Variants in RGS9 observed in about 807,000 individuals in gnomAD.
RGS9 encodes regulator of G protein signaling 9.
In RGS9, 78 loss-of-function variants were observed where a neutral mutation model predicts 102.0. The observed-to-expected ratio is 0.76, with a 90% CI of 0.64 to 0.92. The LOEUF (loss-of-function observed/expected upper bound fraction) is 0.92, where lower values mean the gene tolerates loss of function less well. Among genes scored for constraint, RGS9 ranks in the 40% least tolerant of loss-of-function variants. The probability of loss-of-function intolerance (pLI) is 0.00; values close to 1 mark genes in which losing one functional copy is unlikely to be tolerated. For missense variants in RGS9, 833 were observed against 866.1 expected, an observed-to-expected ratio of 0.96 and a Z score of 0.48; for synonymous variants, 353 against 318.6, an observed-to-expected ratio of 1.11 and a Z score of -1.15.
intron 17 of RGS9, among the ~76,000 whole-genome samples, chr17:65,219,741 G>T (rs975247359): frequency 2.0e-4 from 31 of 152,070 alleles, no homozygotes; most frequent in Admixed American, 1.8e-3. Flanking sequence ...ACAATTCTTG[G>T]CCTATTATAA....
At chr17:65,205,861 ATTATGTGGTATCAG>A (rs1384882607) in intron 15 of RGS9, among the ~76,000 whole-genome samples, 1 of 151,816 alleles carries the variant, frequency 6.6e-6, no homozygotes, top group African/African-American at 2.4e-5. Context: ...TGTGATATAG[ATTATGTGGTATCAG>A]TTATGTGATA....
At chr17:65,223,752 C>CTTTTTTTTTTTTTTTTTTTTTT (rs528795738) in intron 17 of RGS9, among the ~76,000 whole-genome samples, 2 of 137,592 alleles carry the variant, frequency 1.5e-5, no homozygotes, top group Non-Finnish European at 3.2e-5. Context: ...TCATGCCAGG[C>CTTTTTTTTTTTTTTTTTTTTTT]TTTTTTTTTT....
chr17:65,177,710 A>C (rs1008710029), intron 8 of RGS9, 22 bp from the exon 9 acceptor site: 3 of 1,610,270 alleles, frequency 1.9e-6, no homozygotes, highest in Admixed American at 3.3e-5. Context: ...TAATGACCTT[A>C]TGTTGTTTTT....
intron 9 of RGS9, among the ~76,000 whole-genome samples, chr17:65,179,759 G>A (rs915498979): frequency 2.0e-5 from 3 of 151,942 alleles, no homozygotes; most frequent in East Asian, 3.9e-4. Context: ...CATCCTGGGG[G>A]TGACTTCTGA....
chr17:65,164,012 T>C (rs1275665463), intron 7 of RGS9, among the ~76,000 whole-genome samples: 3 of 152,202 alleles, frequency 2.0e-5, no homozygotes, highest in African/African-American at 7.2e-5. Flanking sequence ...CCTGTTGCCA[T>C]ATCAGAACTG....
At chr17:65,207,584 C>T (rs989806525) in intron 15 of RGS9, among the ~76,000 whole-genome samples, 1 of 152,180 alleles carries the variant, frequency 6.6e-6, no homozygotes, top group Non-Finnish European at 1.5e-5. Flanking sequence ...GCTACATTTA[C>T]AACATAGGCT....
At chr17:65,198,715 T>G (rs4790957) in intron 13 of RGS9, among the ~76,000 whole-genome samples, 30,698 of 152,176 alleles carry the variant, frequency 0.2, 5,236 homozygotes, top group African/African-American at 0.44. Flanking sequence ...GGGGCATCAC[T>G]CCTGAGCCTT....
chr17:65,158,462 C>T lies in RGS9; in HGVS notation c.205+117C>T, dbSNP rs893072250. Reference sequence around the variant, plus strand: ...GAAATTTACATTTTAATTGGACAGACATGACCTTCGTGTGTAAAAGTACCA... The same window carrying T: ...GAAATTTACATTTTAATTGGACAGATATGACCTTCGTGTGTAAAAGTACCA... On this transcript the variant is annotated intron_variant, in intron 3 of 18. Transcript: ENST00000262406. 2.5e-5 allele frequency: 24 copies of T among 972,898 alleles called. No individual in the cohort carries two copies. The African/African-American group carries it at 2.7e-4, about 11-fold the overall frequency. 60.3% of individuals were successfully genotyped at this position (972,898 alleles called of 1,614,324 possible). A position where few individuals can be genotyped will look rare whatever the true frequency, so the allele number is the denominator to read the frequency against.
chr17:65,167,386 G>A (rs182615663), intron 7 of RGS9, among the ~76,000 whole-genome samples: 254 of 152,216 alleles, frequency 1.7e-3, no homozygotes, highest in Non-Finnish European at 3.1e-3. Context: ...ATTTTTGGTA[G>A]AGACGGGGTT....
At chr17:65,195,283 G>A (rs953323660) in intron 12 of RGS9, among the ~76,000 whole-genome samples, 3 of 152,278 alleles carry the variant, frequency 2.0e-5, no homozygotes, top group Non-Finnish European at 2.9e-5. Context: ...AAATAAAATG[G>A]GGAGCATGGT....
chr17:65,222,751 T>C (rs549860091), intron 17 of RGS9, among the ~76,000 whole-genome samples: 1 of 152,332 alleles, frequency 6.6e-6, no homozygotes, highest in South Asian at 2.1e-4. Flanking sequence ...AGAAGCTTAG[T>C]GCAGAGTCCC....
intron 3 of RGS9, among the ~76,000 whole-genome samples, chr17:65,159,750 G>A (rs759282676): frequency 2.6e-5 from 4 of 152,114 alleles, no homozygotes; most frequent in African/African-American, 4.8e-5. Flanking sequence ...GGAGAGGAAG[G>A]GTCTGGACCC....
chr17:65,158,848 G>T, intron 3 of RGS9: 1 of 260,844 alleles, frequency 3.8e-6, no homozygotes, highest in South Asian at 5.2e-5. Flanking sequence ...GGCAATTTTT[G>T]AGCATGGCAA....
intron 9 of RGS9, among the ~76,000 whole-genome samples, chr17:65,188,044 G>A (rs1912197342): frequency 6.6e-6 from 1 of 152,140 alleles, no homozygotes; most frequent in Admixed American, 6.5e-5. Flanking sequence ...GGCTCCTCTT[G>A]AAGTATAAGA....
At position 65,225,296 on chromosome 17, in the gene RGS9, A is replaced by G; in HGVS notation, c.1702A>G (p.Ser568Gly). ...CTCCCTCGACACCTCCTGGCCTCGC[A>G]GCCGGCCCAGGGCCCCTCCTAAGGC... ...EASLDTSWPR[S>G]RPRAPPKARM... Residue 568 changes from serine to glycine, a missense_variant, in exon 18 of 19, where the codon AGC becomes GGC. By Grantham distance (56) the Ser-to-Gly change is moderately conservative (BLOSUM62 0). Coordinates refer to ENST00000262406, the MANE Select transcript of RGS9 (RefSeq NM_003835.4). 1 of 1,608,504 alleles carries G rather than the reference A, an allele frequency of 6.2e-7. No individual in the cohort carries two copies. Among genetic ancestry groups the G allele is most frequent in the Non-Finnish European group, 8.5e-7 (1 of 1,179,750 alleles).
chr17:65,189,537 G>A (rs774829382), intron 10 of RGS9, among the ~76,000 whole-genome samples: 7 of 152,322 alleles, frequency 4.6e-5, no homozygotes, highest in African/African-American at 9.6e-5. Flanking sequence ...AAAACCCCTC[G>A]AAGGCACAGA....
intron 14 of RGS9, among the ~76,000 whole-genome samples, chr17:65,202,436 TGTGTGTGTGA>T (rs1309433728): frequency 2.2e-5 from 3 of 136,970 alleles, no homozygotes; most frequent in African/African-American, 8.6e-5. Context: ...TGTGTGTGTG[TGTGTGTGTGA>T]GAGAGAGAGA....
At chr17:65,157,719 C>T (rs1206523713) in intron 2 of RGS9, among the ~76,000 whole-genome samples, 2 of 152,060 alleles carry the variant, frequency 1.3e-5, no homozygotes, top group Admixed American at 6.6e-5. Flanking sequence ...AAAGTACCTT[C>T]ACAATGTCAT....
At chr17:65,154,315 T>C (rs1910690823) in intron 2 of RGS9, among the ~76,000 whole-genome samples, 1 of 152,064 alleles carries the variant, frequency 6.6e-6, no homozygotes, top group Non-Finnish European at 1.5e-5. Context: ...AAAGCTGAAA[T>C]GTTTATTTAC....
Sources: allele counts gnomAD v4.1 joint callset (sites outside exome capture counted in the v4.1 genomes callset), GRCh38; gene constraint gnomAD v4.1.1; transcripts MANE v1.5; gene names NCBI Gene and HGNC (gene_info 2026-07-23, HGNC 2026-07-21).